The following KAZN variants were observed in gnomAD, a reference collection of about 807,000 sequenced individuals.
KAZN encodes kazrin.
Under a neutral mutation model 87.4 loss-of-function variants are expected in KAZN, and 40 were observed. The ratio of observed to expected loss-of-function variants is 0.46; its 90% CI spans 0.36 to 0.60. The LOEUF (loss-of-function observed/expected upper bound fraction) is 0.60. Ranked by LOEUF, KAZN falls within the 20% of genes least tolerant of loss-of-function variation. The pLI is 0.00. For missense variants in KAZN, 898 were observed against 1,073.9 expected (o/e 0.84, Z 2.29); for synonymous variants, 466 against 458.3 (o/e 1.02, Z -0.22).
At chr1:14,126,356 C>G (rs12066016) in intron 1 of KAZN, among the ~76,000 whole-genome samples, 1 of 141,708 alleles carries the variant, frequency 7.1e-6, no homozygotes, top group East Asian at 2.0e-4. Flanking sequence ...TCTCCCCTCC[C>G]CCCCCCCGTC....
Position 13,962,005 on chromosome 1 carries a change from A to G in KAZN, c.91+68249A>G, listed in dbSNP as rs140917182. On this transcript the variant is annotated intron_variant, in intron 1 of 16. Coordinates refer to the KAZN transcript ENST00000636203. Reference sequence around the variant, plus strand: ...TATCCTTCTCACCGCGTGAGCTCCTATGCATCCTTCTCACCTCAGCATAGA... The same window carrying G: ...TATCCTTCTCACCGCGTGAGCTCCTGTGCATCCTTCTCACCTCAGCATAGA... Among the ~76,000 whole-genome samples, 1,322 of 152,004 alleles carry G rather than the reference A, an allele frequency of 8.7e-3. 63 individuals are homozygous for G. Among genetic ancestry groups the G allele is most frequent in the Admixed American group, 0.077 (1,184 of 15,278 alleles).
intron 2 of KAZN, among the ~76,000 whole-genome samples, chr1:14,207,597 C>T (rs1048276573): frequency 1.3e-5 from 2 of 152,060 alleles, no homozygotes; most frequent in East Asian, 3.9e-4. Flanking sequence ...TTGCATTAAT[C>T]AAAAATATAT....
intron 2 of KAZN, among the ~76,000 whole-genome samples, chr1:14,363,483 G>A (rs1485537420): frequency 6.6e-6 from 1 of 152,204 alleles, no homozygotes; most frequent in African/African-American, 2.4e-5. Flanking sequence ...TTACATGGGA[G>A]GAACACAGAA....
At chr1:15,000,510 C>T (rs1005408252) in intron 2 of KAZN, among the ~76,000 whole-genome samples, 7 of 151,628 alleles carry the variant, frequency 4.6e-5, no homozygotes, top group Non-Finnish European at 7.4e-5. Context: ...GGAGGCACCT[C>T]GGGGGGTACA....
chr1:14,703,601 A>C (rs1461390236), intron 1 of KAZN, among the ~76,000 whole-genome samples: 1 of 152,214 alleles, frequency 6.6e-6, no homozygotes, highest in African/African-American at 2.4e-5. Context: ...TGTCTTTATT[A>C]GCAGCATGAG....
At chr1:14,988,630 G>T (rs769348939) in intron 2 of KAZN, among the ~76,000 whole-genome samples, 1 of 152,230 alleles carries the variant, frequency 6.6e-6, no homozygotes, top group Admixed American at 6.5e-5. Context: ...TGAAAAGTCC[G>T]TCCAGCCAGC....
At chr1:14,261,984 C>T (rs1651059937) in intron 2 of KAZN, among the ~76,000 whole-genome samples, 1 of 152,014 alleles carries the variant, frequency 6.6e-6, no homozygotes, top group South Asian at 2.1e-4. Context: ...TTAGGGGACA[C>T]ATAGAAGAAC....
chr1:14,167,627 G>T (rs918871544), intron 1 of KAZN, among the ~76,000 whole-genome samples: 1 of 152,168 alleles, frequency 6.6e-6, no homozygotes, highest in Non-Finnish European at 1.5e-5. Flanking sequence ...AGAGGCTGAG[G>T]CAGGAGAGTT....
chr1:14,914,629 T>C (rs1657603558), intron 1 of KAZN, among the ~76,000 whole-genome samples: 12 of 152,192 alleles, frequency 7.9e-5, no homozygotes, highest in Admixed American at 7.9e-4. Context: ...CCTAGCCTGC[T>C]CTTTGGGATC....
intron 2 of KAZN, among the ~76,000 whole-genome samples, chr1:14,580,331 C>T (rs750110965): frequency 1.4e-4 from 21 of 151,934 alleles, no homozygotes; most frequent in Non-Finnish European, 2.9e-4. Flanking sequence ...CAAAATTAGC[C>T]GAGCGTGGTG....
At chr1:14,959,538 T>G (rs1214644949) in intron 1 of KAZN, among the ~76,000 whole-genome samples, 1 of 151,838 alleles carries the variant, frequency 6.6e-6, no homozygotes, top group East Asian at 1.9e-4. Flanking sequence ...GTGCGGAGGG[T>G]GGGGGCGGCC....
At chr1:14,493,913 T>C (rs186294807) in intron 2 of KAZN, among the ~76,000 whole-genome samples, 1 of 152,304 alleles carries the variant, frequency 6.6e-6, no homozygotes, top group Admixed American at 6.5e-5. Flanking sequence ...GTCTCCTCAG[T>C]CCCATCTCCA....
intron 2 of KAZN, among the ~76,000 whole-genome samples, chr1:14,277,788 C>T (rs1652500356): frequency 6.6e-6 from 1 of 152,086 alleles, no homozygotes; most frequent in Admixed American, 6.5e-5. Flanking sequence ...GTGGCTCCCT[C>T]CAAATTATTT....
intron 1 of KAZN, among the ~76,000 whole-genome samples, chr1:14,954,618 G>C (rs1662866395): frequency 6.6e-6 from 1 of 152,208 alleles, no homozygotes; most frequent in Admixed American, 6.5e-5. Context: ...CGTGAAATGT[G>C]GCTAGAGAAA....
chr1:14,458,911 A>C (rs747560260), intron 2 of KAZN, among the ~76,000 whole-genome samples: 1 of 152,204 alleles, frequency 6.6e-6, no homozygotes, highest in Non-Finnish European at 1.5e-5. Context: ...AATACATCTA[A>C]CTTAAAATTG....
chr1:14,283,969 G>A (rs549424420), intron 2 of KAZN, among the ~76,000 whole-genome samples: 19 of 152,044 alleles, frequency 1.2e-4, no homozygotes, highest in Non-Finnish European at 2.4e-4. Context: ...GATGAGCCTC[G>A]GAAACATTAT....
chr1:15,057,085 A>T (rs1252888345), intron 5 of KAZN, among the ~76,000 whole-genome samples: 1 of 152,216 alleles, frequency 6.6e-6, no homozygotes, highest in Non-Finnish European at 1.5e-5. Context: ...CCTGACCTAC[A>T]AGGGCCTGGC....
intron 8 of KAZN, among the ~76,000 whole-genome samples, chr1:15,090,775 C>T (rs1640497163): frequency 6.6e-6 from 1 of 152,208 alleles, no homozygotes. Flanking sequence ...TCACACTCAC[C>T]CCCGCTGAGT....
At chr1:14,412,467 T>C (rs2101203353) in intron 2 of KAZN, among the ~76,000 whole-genome samples, 1 of 152,294 alleles carries the variant, frequency 6.6e-6, no homozygotes, top group East Asian at 1.9e-4. Flanking sequence ...AGCTCAAGTA[T>C]ACAAAAATCA....
Sources: gnomAD v4.1 joint callset for allele counts (sites outside exome capture counted in the v4.1 genomes callset) on GRCh38, gnomAD v4.1.1 for gene constraint, MANE v1.5 for transcripts, NCBI Gene and HGNC (gene_info 2026-07-23, HGNC 2026-07-21) for gene names.